Variants in PBX4 observed in about 807,000 individuals in gnomAD.
The protein encoded by PBX4 is pre-B-cell leukemia transcription factor 4.
Under a neutral mutation model 35.1 loss-of-function variants are expected in PBX4, and 26 were observed. The observed-to-expected ratio is 0.74, with a 90% CI of 0.54 to 1.03. PBX4 has a LOEUF of 1.03. Ranked by LOEUF, PBX4 falls within the 50% of genes least tolerant of loss-of-function variation. PBX4 has a pLI of 0.00. For missense variants in PBX4, 448 were observed against 504.3 expected (o/e 0.89, Z 1.07); for synonymous variants, 199 against 204.2 (o/e 0.97, Z 0.22).
intron 2 of PBX4, among the ~76,000 whole-genome samples, chr19:19,590,599 G>A (rs1430021028): frequency 6.6e-6 from 1 of 151,736 alleles, no homozygotes; most frequent in Admixed American, 6.6e-5. Flanking sequence ...CTCCCGATTA[G>A]CTGGGATTAC....
rs962010351 is a variant in PBX4, at chr19:19,563,345, G to A, written c.1032+164C>T. Among the ~76,000 whole-genome samples the A allele has an allele frequency of 5.9e-5, 9 of 152,182 alleles. No individual in the cohort carries two copies. Among genetic ancestry groups the A allele is most frequent in the African/African-American group, 2.2e-4 (9 of 41,432 alleles). On this transcript the variant is annotated intron_variant, in intron 7 of 7. Coordinates refer to ENST00000251203, the MANE Select transcript of PBX4 (RefSeq NM_025245.3). This position sits in a 1 kb window ranked among gnomAD's most constrained non-coding sequence, Gnocchi z 5.1. ...GGGAGGGCACAGTCATTACAGAGTG[G>A]GGCCCTGCAGAGCTGTGCCCCAGAG...
At chr19:19,570,863 A>G (rs889269822) in intron 2 of PBX4, 30 bp from the exon 3 acceptor site, 22 of 1,603,028 alleles carry the variant, frequency 1.4e-5, no homozygotes, top group Middle Eastern at 1.7e-4. Flanking sequence ...ACAAGTCACA[A>G]TTCATTTTCT....
In PBX4 at chr19:19,570,875, G is replaced by C. The variant is rs768470310; in HGVS notation, c.194-42C>G. On this transcript the variant is annotated intron_variant, in intron 2 of 7. Coordinates refer to ENST00000251203, the MANE Select transcript of PBX4 (RefSeq NM_025245.3). ...GGGACAAGTCACAATTCATTTTCTG[G>C]AGAGAAAACAAACCATGAGAAAATG... 2.1e-5 allele frequency: 34 copies of C among 1,599,730 alleles called. No homozygotes were observed. In the South Asian group the frequency reaches 3.7e-4, roughly 17 times the overall value.
At chr19:19,610,905 T>A in intron 1 of PBX4, among the ~76,000 whole-genome samples, 1 of 152,154 alleles carries the variant, frequency 6.6e-6, no homozygotes, top group East Asian at 1.9e-4. Context: ...CTAATTAATC[T>A]CTTTAGGGAT....
intron 2 of PBX4, among the ~76,000 whole-genome samples, chr19:19,583,721 G>T (rs1265961909): frequency 6.6e-6 from 1 of 151,968 alleles, no homozygotes; most frequent in African/African-American, 2.4e-5. Flanking sequence ...GGCTGGGGTT[G>T]GGGGGAATCA....
chr19:19,575,559 A>G (rs1355351687), intron 2 of PBX4, among the ~76,000 whole-genome samples: 1 of 151,946 alleles, frequency 6.6e-6, no homozygotes, highest in African/African-American at 2.4e-5. Flanking sequence ...TCAACAATCA[A>G]CTTTCCACTT....
intron 2 of PBX4, among the ~76,000 whole-genome samples, chr19:19,581,114 C>T (rs954267655): frequency 2.0e-5 from 3 of 152,188 alleles, no homozygotes; most frequent in Admixed American, 6.5e-5. Context: ...CTGCCTACAG[C>T]GAGGCCAGCA....
chr19:19,590,899 T>A (rs2144754345), intron 2 of PBX4, among the ~76,000 whole-genome samples: 1 of 152,302 alleles, frequency 6.6e-6, no homozygotes. Flanking sequence ...TCTAGACCTT[T>A]CTATTATAGG....
intron 1 of PBX4, among the ~76,000 whole-genome samples, chr19:19,615,370 G>T (rs532556021): frequency 6.6e-6 from 1 of 150,900 alleles, no homozygotes; most frequent in Non-Finnish European, 1.5e-5. Context: ...CAAAGAAATA[G>T]TTGTATGGTG....
chr19:19,617,991 T>C (rs1044562552), intron 1 of PBX4, among the ~76,000 whole-genome samples: 1 of 151,966 alleles, frequency 6.6e-6, no homozygotes, highest in Non-Finnish European at 1.5e-5. Context: ...CCCCTGTCTC[T>C]ACAAAATATA....
In PBX4 at chr19:19,561,840, C is replaced by G; in HGVS notation, c.*185G>C. The G allele has an allele frequency of 2.0e-6, 1 of 494,594 alleles. No homozygotes were observed. Among genetic ancestry groups the G allele is most frequent in the Non-Finnish European group, 3.6e-6 (1 of 279,118 alleles). The allele number at this position is 494,594 out of a possible 1,614,324, so 30.6% of individuals were successfully genotyped here. A position where few individuals can be genotyped will look rare whatever the true frequency, so the allele number is the denominator to read the frequency against. On this transcript the variant is annotated 3_prime_UTR_variant, in exon 8 of 8. Transcript: ENST00000251203. ...TGAAGTGGGAGAATGAGTGGCGTTT[C>G]AGGCCATCTCGAGTCGCAGCAGACA...
At chr19:19,599,481 G>T in intron 1 of PBX4, 116 bp from the exon 2 acceptor site, 1 of 813,780 alleles carries the variant, frequency 1.2e-6, no homozygotes, top group Non-Finnish European at 2.1e-6. Flanking sequence ...CACTCTGACT[G>T]TAGATAAGTC....
intron 2 of PBX4, chr19:19,588,070 G>A (rs1343670712): frequency 2.7e-6 from 2 of 752,270 alleles, no homozygotes; most frequent in African/African-American, 1.8e-5. Context: ...GCGGTGGGGA[G>A]GAAGGGGCCA....
intron 5 of PBX4, among the ~76,000 whole-genome samples, chr19:19,566,855 A>T (rs746483036): frequency 6.6e-6 from 1 of 152,224 alleles, no homozygotes; most frequent in East Asian, 1.9e-4. Flanking sequence ...GATTGCAGGC[A>T]TGTGCCACCA....
chr19:19,572,198 C>T (rs1187900122), intron 2 of PBX4, among the ~76,000 whole-genome samples: 2 of 150,544 alleles, frequency 1.3e-5, no homozygotes, highest in African/African-American at 2.4e-5. Context: ...CCTCAGCCTC[C>T]CGAGTAGCTG....
intron 2 of PBX4, among the ~76,000 whole-genome samples, chr19:19,591,747 C>G (rs999833113): frequency 1.5e-4 from 23 of 152,278 alleles, no homozygotes; most frequent in Admixed American, 1.4e-3. Context: ...GAGGTAAAGC[C>G]TGACACATTC....
chr19:19,616,467 C>T (rs1302857452), intron 1 of PBX4, among the ~76,000 whole-genome samples: 1 of 151,852 alleles, frequency 6.6e-6, no homozygotes, highest in Non-Finnish European at 1.5e-5. Context: ...TAGACATGCA[C>T]CACCACGCCC....
chr19:19,577,121 G>A (rs757401327), intron 2 of PBX4, among the ~76,000 whole-genome samples: 4 of 151,432 alleles, frequency 2.6e-5, no homozygotes, highest in Non-Finnish European at 5.9e-5. Context: ...CAGCTACTCA[G>A]GAGGCTGAGG....
intron 2 of PBX4, among the ~76,000 whole-genome samples, chr19:19,597,986 C>T (rs886382230): frequency 1.3e-5 from 2 of 152,140 alleles, no homozygotes; most frequent in African/African-American, 4.8e-5. Flanking sequence ...GGATGTTCTA[C>T]AAAATGACTG....
Sources: gnomAD v4.1 joint callset for allele counts (sites outside exome capture counted in the v4.1 genomes callset) on GRCh38, gnomAD v4.1.1 for gene constraint, Gnocchi (gnomAD v3.1) non-coding constraint, MANE v1.5 for transcripts, NCBI Gene and HGNC (gene_info 2026-07-23, HGNC 2026-07-21) for gene names.